Variants in CSGALNACT1 observed in about 807,000 individuals in gnomAD.
CSGALNACT1 encodes the protein chondroitin sulfate N-acetylgalactosaminyltransferase 1.
CSGALNACT1 carries 52 observed loss-of-function variants against 51.0 expected under a neutral mutation model. The observed-to-expected ratio is 1.02, with a 90% CI of 0.82 to 1.29. The LOEUF is 1.29. CSGALNACT1 is among the 50% of genes most tolerant of loss of function. The pLI is 0.00. For missense variants in CSGALNACT1, 935 were observed against 679.2 expected (o/e 1.38, Z -4.19); for synonymous variants, 341 against 254.4 (o/e 1.34, Z -3.24).
chr8:19,720,393 T>A (rs76560634), intron 1 of CSGALNACT1, among the ~76,000 whole-genome samples: 1 of 152,266 alleles, frequency 6.6e-6, no homozygotes, highest in South Asian at 2.1e-4. Flanking sequence ...GACAAGCACA[T>A]AAGCCATAGC....
intron 1 of CSGALNACT1, among the ~76,000 whole-genome samples, chr8:19,615,544 T>G (rs1275625075): frequency 2.0e-5 from 3 of 152,186 alleles, no homozygotes; most frequent in African/African-American, 7.2e-5. Context: ...AACAAAAATA[T>G]AAGCCATATA....
At chr8:19,471,305 G>A (rs184408460) in intron 4 of CSGALNACT1, among the ~76,000 whole-genome samples, 2 of 152,240 alleles carry the variant, frequency 1.3e-5, no homozygotes, top group East Asian at 3.9e-4. Flanking sequence ...GGTGAATCAT[G>A]GGGAAGAGGC....
chr8:19,491,187 A>G (rs1360852125), intron 4 of CSGALNACT1, among the ~76,000 whole-genome samples: 1 of 152,168 alleles, frequency 6.6e-6, no homozygotes, highest in African/African-American at 2.4e-5. Context: ...CACAATTAAA[A>G]TGATAGCCTT....
Position 19,587,470 on chromosome 8 carries a change from A to T in CSGALNACT1, c.-297+3690T>A, listed in dbSNP as rs116576558. Among the ~76,000 whole-genome samples the T allele has an allele frequency of 5.8e-3, 880 of 152,240 alleles. 8 individuals are homozygous for T. The highest frequency in any genetic ancestry group is 0.021 in the African/African-American group (854 of 41,538). On this transcript the variant is annotated intron_variant, in intron 3 of 9. Transcript: ENST00000454498. Reference sequence around the variant, plus strand: ...TCCCCCACCTAGGATGGGGCTCCAAACATCTCAATCCTTTTCTAACTTGGT... The same window carrying T: ...TCCCCCACCTAGGATGGGGCTCCAATCATCTCAATCCTTTTCTAACTTGGT...
chr8:19,538,877 G>A (rs542551547), intron 3 of CSGALNACT1, among the ~76,000 whole-genome samples: 4 of 152,060 alleles, frequency 2.6e-5, no homozygotes, highest in South Asian at 2.1e-4. Context: ...CAACCTTGCC[G>A]CTGAGCTAGT....
At chr8:19,639,265 T>A (rs2056461819) in intron 1 of CSGALNACT1, among the ~76,000 whole-genome samples, 1 of 152,214 alleles carries the variant, frequency 6.6e-6, no homozygotes, top group African/African-American at 2.4e-5. Context: ...ACAGCATGCT[T>A]GCCCTTGGTT....
chr8:19,517,417 T>G (rs1252443139), intron 3 of CSGALNACT1, among the ~76,000 whole-genome samples: 2 of 151,844 alleles, frequency 1.3e-5, no homozygotes, highest in Admixed American at 1.3e-4. Flanking sequence ...TCCAGCATAG[T>G]CAACAAGAGT....
At chr8:19,686,658 T>A (rs1408594367), upstream of CSGALNACT1, among the ~76,000 whole-genome samples, 1 of 152,200 alleles carries the variant, frequency 6.6e-6, no homozygotes, top group African/African-American at 2.4e-5. Flanking sequence ...CTTCAATTCC[T>A]CTGCAAACTG....
intron 1 of CSGALNACT1, among the ~76,000 whole-genome samples, chr8:19,657,604 T>C (rs181705613): frequency 1.3e-5 from 2 of 152,282 alleles, no homozygotes; most frequent in Admixed American, 1.3e-4. Flanking sequence ...AAATCCAGTA[T>C]AAAATACCTT....
At chr8:19,723,192 A>T (rs1475308593) in intron 1 of CSGALNACT1, among the ~76,000 whole-genome samples, 1 of 152,204 alleles carries the variant, frequency 6.6e-6, no homozygotes, top group East Asian at 1.9e-4. Context: ...AAAATTTAAG[A>T]TCAGTCTTAT....
intron 8 of CSGALNACT1, among the ~76,000 whole-genome samples, chr8:19,417,852 C>T (rs1204125227): frequency 6.6e-6 from 1 of 152,178 alleles, no homozygotes; most frequent in African/African-American, 2.4e-5. Flanking sequence ...GTCAACAATA[C>T]CGGGAAATTC....
chr8:19,442,817 C>T (rs2061540173), intron 5 of CSGALNACT1, among the ~76,000 whole-genome samples: 1 of 151,948 alleles, frequency 6.6e-6, no homozygotes, highest in South Asian at 2.1e-4. Context: ...CTTATGTGGG[C>T]CAAACACAGA....
intron 1 of CSGALNACT1, among the ~76,000 whole-genome samples, chr8:19,739,978 T>C (rs2064211288): frequency 6.6e-6 from 1 of 152,212 alleles, no homozygotes; most frequent in Non-Finnish European, 1.5e-5. Flanking sequence ...CTCTCTTTCT[T>C]ATGGGTACTT....
intron 1 of CSGALNACT1, among the ~76,000 whole-genome samples, chr8:19,705,943 T>C (rs997438230): frequency 3.9e-5 from 6 of 152,206 alleles, no homozygotes; most frequent in Admixed American, 6.5e-5. Context: ...TTATCTTCAA[T>C]TACCTTGTAT....
At chr8:19,678,578 A>G (rs1782921433) in intron 1 of CSGALNACT1, 1 of 152,380 alleles carries the variant, frequency 6.6e-6, no homozygotes, top group South Asian at 2.1e-4. Flanking sequence ...AGAAAGTCCA[A>G]GACAAACAGT....
intron 1 of CSGALNACT1, among the ~76,000 whole-genome samples, chr8:19,736,389 T>A (rs941045464): frequency 6.6e-6 from 1 of 152,140 alleles, no homozygotes; most frequent in South Asian, 2.1e-4. Flanking sequence ...CAGAAAAAGT[T>A]TCTATAGGAT....
chr8:19,747,814 TA>T (rs11430712), intron 1 of CSGALNACT1, among the ~76,000 whole-genome samples: 106 of 142,608 alleles, frequency 7.4e-4, no homozygotes, highest in African/African-American at 1.9e-3. Context: ...GGAGGAGAAG[TA>T]AAAAAAAAAA....
At chr8:19,408,949 A>AACACACACACAC (rs5889870) in intron 8 of CSGALNACT1, among the ~76,000 whole-genome samples, 272 of 142,284 alleles carry the variant, frequency 1.9e-3, no homozygotes, top group East Asian at 0.01. Context: ...TAGATATGAA[A>AACACACACACAC]ACACACACAC....
chr8:19,653,777 G>A (rs530147246), intron 1 of CSGALNACT1, among the ~76,000 whole-genome samples: 4 of 147,744 alleles, frequency 2.7e-5, no homozygotes, highest in South Asian at 4.3e-4. Flanking sequence ...CAGCATGGGT[G>A]AATGAATGAT....
Sources: gnomAD v4.1 joint callset for allele counts (sites outside exome capture counted in the v4.1 genomes callset) on GRCh38, gnomAD v4.1.1 for gene constraint, MANE v1.5 for transcripts, NCBI Gene and HGNC (gene_info 2026-07-23, HGNC 2026-07-21) for gene names.